The following RIPOR3 variants were observed in gnomAD, a reference collection of about 807,000 sequenced individuals.
RIPOR3 encodes RIPOR family member 3.
Under a neutral mutation model 114.3 loss-of-function variants are expected in RIPOR3, and 95 were observed. The ratio of observed to expected loss-of-function variants is 0.83; its 90% CI spans 0.70 to 0.99. The LOEUF is 0.99. RIPOR3 is among the 50% of genes least tolerant of loss of function. RIPOR3 has a pLI of 0.00. For synonymous variants in RIPOR3, 575 were observed against 543.8 expected (o/e 1.06, Z -0.80); for missense variants, 1,252 against 1,266.9 (o/e 0.99, Z 0.18).
chr20:50,666,504 G>C (rs1257777194), intron 1 of RIPOR3, among the ~76,000 whole-genome samples: 1 of 151,656 alleles, frequency 6.6e-6, no homozygotes, highest in Non-Finnish European at 1.5e-5. Flanking sequence ...GATTACAGGC[G>C]TGAGTCACCA....
chr20:50,640,218 G>A (rs372826353), intron 1 of RIPOR3, among the ~76,000 whole-genome samples: 6,284 of 123,470 alleles, frequency 0.051, no homozygotes, highest in African/African-American at 0.081. Flanking sequence ...CACTCCAGCC[G>A]TGACACACAC....
intron 2 of RIPOR3, among the ~76,000 whole-genome samples, chr20:50,626,791 G>T (rs2084635588): frequency 6.6e-6 from 1 of 152,216 alleles, no homozygotes; most frequent in South Asian, 2.1e-4. Flanking sequence ...GGAGGCCGAG[G>T]TGGGTGGATC....
At chr20:50,618,567 C>G (rs896951179) in intron 3 of RIPOR3, among the ~76,000 whole-genome samples, 1 of 152,184 alleles carries the variant, frequency 6.6e-6, no homozygotes, top group Non-Finnish European at 1.5e-5. Flanking sequence ...TTCCTTCCAA[C>G]TGCCCAACTT....
intron 9 of RIPOR3, 86 bp downstream of exon 9, chr20:50,608,826 C>T: frequency 6.2e-7 from 1 of 1,612,150 alleles, no homozygotes; most frequent in Admixed American, 1.7e-5. Context: ...GGCAGAGCCC[C>T]AGCTGCAACC....
Position 50,690,070 on chromosome 20 carries a change from A to G in RIPOR3, c.3+1056T>C, listed in dbSNP as rs541467133. ...TCTTATCTCTTGGCTGCTGCCAGCCACAGCTGCAGGGATATATATGCAAAT... is the reference window on the plus strand; with the variant it reads ...TCTTATCTCTTGGCTGCTGCCAGCCGCAGCTGCAGGGATATATATGCAAAT... On this transcript the variant is annotated intron_variant, in intron 1 of 21. Transcript: ENST00000327979. Among the ~76,000 whole-genome samples the G allele has an allele frequency of 7.7e-4, 118 of 152,294 alleles. 2 individuals are homozygous for G. The South Asian group carries it at 0.024, about 30-fold the overall frequency.
At chr20:50,652,590 C>CAAAAAAAAAAA (rs11470456) in intron 1 of RIPOR3, among the ~76,000 whole-genome samples, 6 of 87,318 alleles carry the variant, frequency 6.9e-5, no homozygotes, top group African/African-American at 2.1e-4. Flanking sequence ...GATTCTGTCT[C>CAAAAAAAAAAA]AAAAAAAAAA....
At chr20:50,604,420 C>G (rs1156922818) in intron 12 of RIPOR3, among the ~76,000 whole-genome samples, 1 of 152,156 alleles carries the variant, frequency 6.6e-6, no homozygotes, top group Non-Finnish European at 1.5e-5. Flanking sequence ...CCAGAGAGCC[C>G]ACTGCAGATG....
At chr20:50,681,710 C>T (rs1229989437) in intron 1 of RIPOR3, among the ~76,000 whole-genome samples, 2 of 152,212 alleles carry the variant, frequency 1.3e-5, no homozygotes, top group South Asian at 2.1e-4. Context: ...CCACACCGTT[C>T]CCCACACGCG....
At chr20:50,639,550 G>A (rs2085114440) in intron 1 of RIPOR3, among the ~76,000 whole-genome samples, 1 of 152,140 alleles carries the variant, frequency 6.6e-6, no homozygotes, top group Non-Finnish European at 1.5e-5. Flanking sequence ...TGGTAGCATT[G>A]TACCTCCAAT....
Position 50,608,652 on chromosome 20 carries a change from C to T in RIPOR3, c.771G>A (p.Lys257=), listed in dbSNP as rs1165930372. 1.9e-6 allele frequency: 3 copies of T among 1,614,070 alleles called. No individual in the cohort carries two copies. Among genetic ancestry groups the T allele is most frequent in the Non-Finnish European group, 2.5e-6 (3 of 1,179,932 alleles). The change falls in exon 10 of 22, where the codon AAG becomes AAA. Residue 257 remains lysine (K), a synonymous_variant. Coordinates refer to ENST00000327979, the MANE Select transcript of RIPOR3 (RefSeq NM_001290268.2). ...TCTCATGCAGCGTGGGGATGAAGGC[C>T]TTCTCCTCTTCGTCCCAGGTCTGGC... is the stretch of plus-strand genomic sequence containing the variant. The part of the protein sequence containing the change: ...DDSQTWDEEE[K]AFIPTLHENL...
In RIPOR3 at chr20:50,614,006, G is replaced by A. The variant is rs187078955; in HGVS notation, c.348+1996C>T. Among the ~76,000 whole-genome samples, 76 of 152,132 alleles carry A rather than the reference G, an allele frequency of 5.0e-4. 2 individuals carry two copies. The East Asian group carries it at 7.0e-3, about 14-fold the overall frequency. Reference sequence around the variant, plus strand: ...CTGGAGCCAGGATACAGAGACGGCCGCTTGTTTGCTTGCTTATTTCATTCA... The same window carrying A: ...CTGGAGCCAGGATACAGAGACGGCCACTTGTTTGCTTGCTTATTTCATTCA... On this transcript the variant is annotated intron_variant, in intron 4 of 21. Transcript: ENST00000327979.
rs1177742851 is a variant in RIPOR3, at chr20:50,678,393, AC to A, written c.3+12732del. On this transcript the variant is annotated intron_variant, in intron 1 of 21. Transcript: ENST00000327979. ...GTCCCACCTGGCTCAGGGAGGGCCT[AC>A]CCCCACCTCCCACCCCACCCCACAG... Among the ~76,000 whole-genome samples the A allele has an allele frequency of 2.6e-5, 4 of 151,702 alleles. No individual in the cohort carries two copies. The East Asian group carries it at 5.8e-4, about 22-fold the overall frequency.
At chr20:50,608,840 G>T in intron 9 of RIPOR3, 72 bp downstream of exon 9, 2 of 1,610,404 alleles carry the variant, frequency 1.2e-6, no homozygotes, top group Non-Finnish European at 1.7e-6. Context: ...TGCAACCCTG[G>T]TTCCCAGCAG....
At chr20:50,679,165 CAGAG>C (rs60291395) in intron 1 of RIPOR3, among the ~76,000 whole-genome samples, 13,048 of 108,592 alleles carry the variant, frequency 0.12, 1,055 homozygotes, top group East Asian at 0.19. Context: ...CACACACACA[CAGAG>C]AGAGAGAGAT....
At chr20:50,667,773 C>G (rs1408116489) in intron 1 of RIPOR3, among the ~76,000 whole-genome samples, 1 of 152,184 alleles carries the variant, frequency 6.6e-6, no homozygotes, top group Non-Finnish European at 1.5e-5. Context: ...ACTGAAAATT[C>G]ACACAGCAGC....
At position 50,608,430 on chromosome 20, in the gene RIPOR3, C is replaced by T. The variant is rs369861202; in HGVS notation, c.915G>A (p.Thr305=). ...GCTGCAGCTTGATGGTACCCAACTC[C>T]GTGATGTCCACCACGATGACCTGCG... ...TRPQVIVVDI[T]ELGTIKLQLE... Residue 305 remains threonine, a synonymous_variant, in exon 11 of 22, where the codon ACG becomes ACA. Coordinates refer to ENST00000327979, the MANE Select transcript of RIPOR3 (RefSeq NM_001290268.2). 217 of 1,613,924 alleles carry T rather than the reference C, an allele frequency of 1.3e-4. No homozygotes were observed. Among genetic ancestry groups the T allele is most frequent in the Non-Finnish European group, 1.8e-4 (207 of 1,179,962 alleles).
intron 1 of RIPOR3, among the ~76,000 whole-genome samples, chr20:50,658,637 C>G (rs2085894532): frequency 6.6e-6 from 1 of 151,838 alleles, no homozygotes; most frequent in African/African-American, 2.4e-5. Context: ...CTCAAGAGAT[C>G]AAGGTTACAG....
At chr20:50,676,674 A>G (rs1357758238) in intron 1 of RIPOR3, among the ~76,000 whole-genome samples, 1 of 151,812 alleles carries the variant, frequency 6.6e-6, no homozygotes, top group Non-Finnish European at 1.5e-5. Context: ...AAAAACCCAC[A>G]GGTGAGGTCA....
chr20:50,664,839 C>A (rs1421576667), intron 1 of RIPOR3, among the ~76,000 whole-genome samples: 1 of 152,144 alleles, frequency 6.6e-6, no homozygotes, highest in Non-Finnish European at 1.5e-5. Context: ...CGGTGGCTCA[C>A]ACCTGTAATC....
Sources: allele counts gnomAD v4.1 joint callset (sites outside exome capture counted in the v4.1 genomes callset), GRCh38; gene constraint gnomAD v4.1.1; transcripts MANE v1.5; gene names NCBI Gene and HGNC (gene_info 2026-07-23, HGNC 2026-07-21).